The following GSAP variants were observed in gnomAD, a reference collection of about 807,000 sequenced individuals.
GSAP encodes gamma-secretase activating protein.
In GSAP, 118 loss-of-function variants were observed where a neutral mutation model predicts 131.7. The observed-to-expected ratio is 0.90, with a 90% CI of 0.77 to 1.04. GSAP has a LOEUF of 1.04. Ranked by LOEUF, GSAP falls within the 50% of genes least tolerant of loss-of-function variation. GSAP has a pLI of 0.00. For synonymous variants in GSAP, 381 were observed against 363.4 expected, an observed-to-expected ratio of 1.05 and a Z score of -0.55; for missense variants, 1,019 against 1,013.2, an observed-to-expected ratio of 1.01 and a Z score of -0.08.
chr7:77,326,478 A>C lies in GSAP; in HGVS notation c.1766-205T>G, dbSNP rs1252062800. 8 of 479,840 alleles carry C rather than the reference A, an allele frequency of 1.7e-5. No individual in the cohort carries two copies. The East Asian group carries it at 2.8e-4, about 17-fold the overall frequency. 29.7% of individuals were successfully genotyped at this position (479,840 alleles called of 1,614,324 possible). On this transcript the variant is annotated intron_variant, in intron 22 of 30. Coordinates refer to ENST00000257626, the MANE Select transcript of GSAP (RefSeq NM_017439.4). Reference sequence around the variant, plus strand: ...GAAACAGGGAATGACCGAGAAAGAAAGAAACCAACACATTCCTCAACCCCA... The same window carrying C: ...GAAACAGGGAATGACCGAGAAAGAACGAAACCAACACATTCCTCAACCCCA...
At chr7:77,404,964 T>C (rs1367183135) in intron 2 of GSAP, among the ~76,000 whole-genome samples, 1 of 152,198 alleles carries the variant, frequency 6.6e-6, no homozygotes, top group Non-Finnish European at 1.5e-5. Context: ...AAGTAAAACA[T>C]TGTGAATCAC....
At chr7:77,317,313 G>GA (rs1786969744) in intron 26 of GSAP, among the ~76,000 whole-genome samples, 1 of 133,776 alleles carries the variant, frequency 7.5e-6, no homozygotes, top group African/African-American at 2.9e-5. Context: ...TCATAGGTGG[G>GA]AATTGAACAA....
chr7:77,337,362 ACAAGGTTT>A (rs377276621), intron 19 of GSAP, among the ~76,000 whole-genome samples: 29 of 151,786 alleles, frequency 1.9e-4, no homozygotes, highest in African/African-American at 6.8e-4. Context: ...CTCTGTAGAG[ACAAGGTTT>A]CACCATGTTG....
chr7:77,409,407 G>A (rs914223884), intron 1 of GSAP, among the ~76,000 whole-genome samples: 1 of 152,104 alleles, frequency 6.6e-6, no homozygotes, highest in African/African-American at 2.4e-5. Flanking sequence ...AGGTATTCCA[G>A]GCCTACTATA....
In GSAP at chr7:77,316,634, T is replaced by G. The variant is rs147162658; in HGVS notation, c.2090-2145A>C. Reference sequence around the variant, plus strand: ...TGAAGAAAAGTTTACACTAGATTATTGATGATATTGATTTTCTGGATTCAA... The same window carrying G: ...TGAAGAAAAGTTTACACTAGATTATGGATGATATTGATTTTCTGGATTCAA... On this transcript the variant is annotated intron_variant, in intron 26 of 30. Transcript: ENST00000257626. Among the ~76,000 whole-genome samples, 111 of 152,362 alleles carry G rather than the reference T, an allele frequency of 7.3e-4. 1 individual carries two copies. Among genetic ancestry groups the G allele is most frequent in the South Asian group, 1.9e-3 (9 of 4,828 alleles).
chr7:77,372,197 G>A (rs773552582), intron 12 of GSAP, among the ~76,000 whole-genome samples: 15 of 152,192 alleles, frequency 9.9e-5, no homozygotes, highest in Non-Finnish European at 2.1e-4. Context: ...AATCCAGAAC[G>A]TGGATCATTC....
At position 77,311,915 on chromosome 7, in the gene GSAP, G is replaced by T; in HGVS notation, c.2399C>A (p.Ser800Ter). The stretch of plus-strand genomic sequence containing the variant: ...AGGCAGAAATTCTACACTGAACGAT[G>T]ACTTGTTAATCATAGAATTCCGAGG... ...KQPRNSMINKSSFSVEFLPLN... is the reference protein window; with the variant it reads ...KQPRNSMINK The change falls in exon 30 of 31, where the codon TCA becomes TAA. Residue 800 changes from serine (S) to a stop codon, truncating the protein, a stop_gained. Coordinates refer to ENST00000257626, the MANE Select transcript of GSAP (RefSeq NM_017439.4). LOFTEE classifies it high-confidence loss of function. 6.3e-7 allele frequency: 1 copy of T among 1,598,288 alleles called. No individual in the cohort carries two copies. The highest frequency in any genetic ancestry group is 1.1e-5 in the South Asian group (1 of 90,728).
intron 12 of GSAP, among the ~76,000 whole-genome samples, chr7:77,363,792 C>G (rs1368490116): frequency 6.6e-6 from 1 of 152,116 alleles, no homozygotes; most frequent in African/African-American, 2.4e-5. Context: ...GGTAACAATT[C>G]TATTAGATGT....
chr7:77,335,003 A>G (rs377658921), intron 19 of GSAP, among the ~76,000 whole-genome samples: 1 of 152,234 alleles, frequency 6.6e-6, no homozygotes, highest in East Asian at 1.9e-4. Flanking sequence ...GAATGGCATG[A>G]ACCCGGGAGG....
chr7:77,380,436 G>C (rs1797622093), intron 8 of GSAP, among the ~76,000 whole-genome samples: 1 of 152,056 alleles, frequency 6.6e-6, no homozygotes, highest in African/African-American at 2.4e-5. Flanking sequence ...CAATACATAA[G>C]GCTATAGGAA....
At chr7:77,349,522 C>A (rs888668585) in intron 18 of GSAP, 118 bp from the exon 19 acceptor site, 2 of 762,256 alleles carry the variant, frequency 2.6e-6, no homozygotes, top group African/African-American at 1.7e-5. Flanking sequence ...CAGCTTCTAA[C>A]CTCTACTTTA....
At chr7:77,416,625 G>A (rs977561910), upstream of GSAP, 15 of 270,978 alleles carry the variant, frequency 5.5e-5, no homozygotes, top group Admixed American at 4.9e-4. Context: ...TCGGGGCTGA[G>A]GATAGAGGGC....
chr7:77,389,538 G>T (rs1444443771), intron 5 of GSAP, among the ~76,000 whole-genome samples: 1 of 151,384 alleles, frequency 6.6e-6, no homozygotes, highest in Non-Finnish European at 1.5e-5. Context: ...GCGGTGTTTG[G>T]TTTTTTGTCC....
At chr7:77,347,362 G>A (rs1314387263) in intron 19 of GSAP, among the ~76,000 whole-genome samples, 1 of 152,082 alleles carries the variant, frequency 6.6e-6, no homozygotes, top group East Asian at 1.9e-4. Context: ...TAGTCTTGGG[G>A]ACTATGTCCC....
intron 12 of GSAP, among the ~76,000 whole-genome samples, chr7:77,371,966 C>T (rs1189273652): frequency 2.6e-5 from 4 of 152,160 alleles, no homozygotes; most frequent in Admixed American, 6.5e-5. Context: ...TACCACTTAA[C>T]CAAATGACCA....
In GSAP at chr7:77,362,589, G is replaced by C; in HGVS notation, c.943C>G (p.His315Asp). 1 of 1,524,934 alleles carries C rather than the reference G, an allele frequency of 6.6e-7. No homozygotes were observed. The highest frequency in any genetic ancestry group is 9.1e-7 in the Non-Finnish European group (1 of 1,100,944). The allele number at this position is 1,524,934 out of a possible 1,614,324, so 94.5% of individuals were successfully genotyped here. A position where few individuals can be genotyped will look rare whatever the true frequency, so the allele number is the denominator to read the frequency against. Reference sequence around the variant, plus strand: ...AAGAAGACATGAAAAGTACCTTTATGAATGTAAAACACTGAATATGTGATT... The same window carrying C: ...AAGAAGACATGAAAAGTACCTTTATCAATGTAAAACACTGAATATGTGATT... ...GQITYSVFYI[H>D]KGHSKTFTTS... The change falls in exon 13 of 31, where the codon CAT (histidine) becomes GAT (aspartate). Residue 315 changes from histidine (H) to aspartate (D), a missense_variant. Transcript: ENST00000257626.
intron 6 of GSAP, 44 bp downstream of exon 6, chr7:77,387,316 C>A (rs778398195): frequency 2.1e-6 from 2 of 955,656 alleles, no homozygotes; most frequent in African/African-American, 1.6e-5. Flanking sequence ...AGGCTGCATG[C>A]CTTTTGATTA....
intron 19 of GSAP, among the ~76,000 whole-genome samples, chr7:77,338,601 T>C (rs1299954616): frequency 2.6e-5 from 4 of 152,142 alleles, no homozygotes; most frequent in Non-Finnish European, 5.9e-5. Context: ...AGGGCCCACT[T>C]CCTAGACTGC....
At chr7:77,315,054 T>C (rs906651330) in intron 26 of GSAP, 2 of 152,716 alleles carry the variant, frequency 1.3e-5, no homozygotes, top group African/African-American at 4.8e-5. Flanking sequence ...CAAGCCTGTC[T>C]CACGGGTAGA....
Sources: allele counts gnomAD v4.1 joint callset (sites outside exome capture counted in the v4.1 genomes callset), GRCh38; gene constraint gnomAD v4.1.1; transcripts MANE v1.5; gene names NCBI Gene and HGNC (gene_info 2026-07-23, HGNC 2026-07-21).